Variants in GPATCH8 observed in about 807,000 individuals in gnomAD.
The protein encoded by GPATCH8 is G-patch domain containing 8, also known as G patch domain-containing protein 8.
In GPATCH8, 18 loss-of-function variants were observed where a neutral mutation model predicts 118.3. The ratio of observed to expected loss-of-function variants is 0.15; its 90% CI spans 0.11 to 0.23. GPATCH8 has a LOEUF of 0.23. Among genes scored for constraint, GPATCH8 ranks in the 10% least tolerant of loss-of-function variants. The probability of loss-of-function intolerance (pLI) is 1.00; values close to 1 mark genes in which losing one functional copy is unlikely to be tolerated. For missense variants in GPATCH8, 1,631 were observed against 1,873.8 expected (o/e 0.87, Z 2.39); for synonymous variants, 659 against 684.7 (o/e 0.96, Z 0.59).
chr17:44,476,210 C>CTT, intron 1 of GPATCH8, among the ~76,000 whole-genome samples: 1 of 146,254 alleles, frequency 6.8e-6, no homozygotes, highest in East Asian at 2.0e-4. Flanking sequence ...GCTGTTTTAC[C>CTT]TTTTTTTTTT....
rs774108392 is a variant in GPATCH8 at position 44,496,689 on chromosome 17, T to G, written c.45+6637A>C. 4.2e-4 allele frequency among the ~76,000 whole-genome samples: 64 copies of G among 152,234 alleles called. 1 individual carries two copies. Among genetic ancestry groups the G allele is most frequent in the Non-Finnish European group, 5.9e-5 (4 of 68,044 alleles). On this transcript the variant is annotated intron_variant, in intron 1 of 7. Coordinates refer to ENST00000591680, the MANE Select transcript of GPATCH8 (RefSeq NM_001002909.4). ...TCTATGGGGCTTACTAAATAACAGT[T>G]ACGTGCTACTCATCTGTGTACAATG... is the stretch of plus-strand genomic sequence containing the variant.
Position 44,401,690 on chromosome 17 carries a change from T to C in GPATCH8, c.624-237A>G, listed in dbSNP as rs894801864. On this transcript the variant is annotated intron_variant, in intron 7 of 7. Coordinates refer to ENST00000591680, the MANE Select transcript of GPATCH8 (RefSeq NM_001002909.4). ...TTCCCAGGGCCAGCCAGTTATTACA[T>C]AGCTTTTCCTTAAGCTGTCTAAAGT... Among the ~76,000 whole-genome samples, 7 of 152,160 alleles carry C rather than the reference T, an allele frequency of 4.6e-5. No homozygotes were observed. The South Asian group carries it at 1.0e-3, about 23-fold the overall frequency.
At chr17:44,402,638 A>T (rs1206023555) in intron 7 of GPATCH8, among the ~76,000 whole-genome samples, 1 of 152,132 alleles carries the variant, frequency 6.6e-6, no homozygotes, top group Non-Finnish European at 1.5e-5. Flanking sequence ...AAAAATAAAA[A>T]TTTCCCCATG....
chr17:44,474,922 A>C lies in GPATCH8; in HGVS notation c.46-19T>G. 1 of 1,306,758 alleles carries C rather than the reference A, an allele frequency of 7.7e-7. No individual in the cohort carries two copies. The highest frequency in any genetic ancestry group is 1.1e-6 in the Non-Finnish European group (1 of 900,840). 80.9% of individuals were successfully genotyped at this position (1,306,758 alleles called of 1,614,324 possible). On this transcript the variant is annotated intron_variant, in intron 1 of 7. Coordinates refer to ENST00000591680, the MANE Select transcript of GPATCH8 (RefSeq NM_001002909.4). ...GATTACCCTGAAAAAAGATGATTAC[A>C]GTTATTTTTCAAAAGCAGTTAAGTG...
At chr17:44,412,611 T>G (rs1422491389) in intron 6 of GPATCH8, among the ~76,000 whole-genome samples, 1 of 152,116 alleles carries the variant, frequency 6.6e-6, no homozygotes, top group Non-Finnish European at 1.5e-5. Flanking sequence ...CTTGAACTCC[T>G]GACCTCAGGT....
chr17:44,436,884 C>T (rs2050530724), intron 3 of GPATCH8: 1 of 299,950 alleles, frequency 3.3e-6, no homozygotes, highest in Non-Finnish European at 6.4e-6. Flanking sequence ...AAATAACTTC[C>T]CATCAAGTAT....
intron 6 of GPATCH8, among the ~76,000 whole-genome samples, chr17:44,416,592 C>T (rs1352504540): frequency 6.6e-6 from 1 of 152,172 alleles, no homozygotes; most frequent in African/African-American, 2.4e-5. Context: ...TGTTCAAGTG[C>T]TGAGATGCAC....
At chr17:44,462,662 G>C (rs1447211474) in intron 3 of GPATCH8, among the ~76,000 whole-genome samples, 2 of 152,138 alleles carry the variant, frequency 1.3e-5, no homozygotes, top group Non-Finnish European at 1.5e-5. Flanking sequence ...TGTAGAAGTA[G>C]AATTTTAAAA....
intron 1 of GPATCH8, among the ~76,000 whole-genome samples, chr17:44,488,905 G>A (rs1196847451): frequency 6.6e-6 from 1 of 151,256 alleles, no homozygotes; most frequent in Non-Finnish European, 1.5e-5. Flanking sequence ...TGGCCAACAT[G>A]GTGAAACCCC....
chr17:44,485,055 T>C (rs905975836), intron 1 of GPATCH8, among the ~76,000 whole-genome samples: 2 of 151,928 alleles, frequency 1.3e-5, no homozygotes, highest in Non-Finnish European at 2.9e-5. Context: ...GCTCAAGAGA[T>C]CGCCCGCCTC....
chr17:44,444,670 G>A (rs1456514293), intron 3 of GPATCH8, among the ~76,000 whole-genome samples: 3 of 152,186 alleles, frequency 2.0e-5, no homozygotes, highest in African/African-American at 7.2e-5. Context: ...CTACTTGGGA[G>A]GCTGAGGCAG....
chr17:44,467,263 C>G (rs2051805291), intron 2 of GPATCH8: 2 of 322,308 alleles, frequency 6.2e-6, no homozygotes, highest in East Asian at 7.7e-5. Flanking sequence ...CGAGTCAAGA[C>G]CAGCTGAGAG....
rs1568055908 is a variant in GPATCH8 at position 44,483,179 on chromosome 17, ATATAT to A, written c.46-8281_46-8277del. ...CAAAAAAAAAAAAAAAAAAAAAAAT[ATATAT>A]ATATATATATATATATATATATATA... On this transcript the variant is annotated intron_variant, in intron 1 of 7. Coordinates refer to ENST00000591680, the MANE Select transcript of GPATCH8 (RefSeq NM_001002909.4). Among the ~76,000 whole-genome samples, 143 of 19,990 alleles carry A rather than the reference ATATAT, an allele frequency of 7.2e-3. 5 individuals are homozygous for A. Among genetic ancestry groups the A allele is most frequent in the African/African-American group, 0.01 (44 of 4,368 alleles). 13.1% of individuals were successfully genotyped at this position (19,990 alleles called of 152,430 possible).
chr17:44,397,842 T>C lies in GPATCH8; in HGVS notation c.4235A>G (p.His1412Arg). 1 of 1,596,254 alleles carries C rather than the reference T, an allele frequency of 6.3e-7. No individual in the cohort carries two copies. The highest frequency in any genetic ancestry group is 1.1e-5 in the South Asian group (1 of 89,336). The change falls in exon 8 of 8, where the codon CAT (histidine) becomes CGT (arginine). Residue 1412 changes from histidine to arginine, a missense_variant. Physicochemically the swap from His to Arg is conservative, Grantham distance 29. Coordinates refer to ENST00000591680, the MANE Select transcript of GPATCH8 (RefSeq NM_001002909.4). Reference sequence around the variant, plus strand: ...GTGGGACAAAGAAATGGGGGTCAGATGGGGCTGGGGAATATGATGCACCTG... The same window carrying C: ...GTGGGACAAAGAAATGGGGGTCAGACGGGGCTGGGGAATATGATGCACCTG... ...LAQVHHIPQP[H>R]LTPISLSHLT...
intron 2 of GPATCH8, among the ~76,000 whole-genome samples, chr17:44,469,546 T>C (rs571198824): frequency 7.9e-5 from 12 of 152,362 alleles, no homozygotes; most frequent in African/African-American, 2.9e-4. Flanking sequence ...ATACTAATTC[T>C]ATACTGAATT....
At chr17:44,489,469 T>C (rs1969062678) in intron 1 of GPATCH8, among the ~76,000 whole-genome samples, 1 of 151,720 alleles carries the variant, frequency 6.6e-6, no homozygotes, top group Non-Finnish European at 1.5e-5. Context: ...GCCTCCCAAG[T>C]AGTTGGGATT....
chr17:44,436,891 G>A (rs4793105), intron 3 of GPATCH8: 161,168 of 273,382 alleles, frequency 0.59, 48,301 homozygotes, highest in Middle Eastern at 0.66. Context: ...TTCCCATCAA[G>A]TATCACTTTA....
chr17:44,471,031 G>A (rs182913433), intron 2 of GPATCH8, among the ~76,000 whole-genome samples: 1 of 152,198 alleles, frequency 6.6e-6, no homozygotes, highest in Non-Finnish European at 1.5e-5. Context: ...AAAGCTTCTC[G>A]TAATAGGGAT....
chr17:44,486,313 T>G (rs1213618623), intron 1 of GPATCH8: 9 of 152,146 alleles, frequency 5.9e-5, no homozygotes, highest in Non-Finnish European at 1.0e-4. Flanking sequence ...TTTTCAAACT[T>G]GGGCCCAAGC....
Sources: allele counts gnomAD v4.1 joint callset (sites outside exome capture counted in the v4.1 genomes callset), GRCh38; gene constraint gnomAD v4.1.1; transcripts MANE v1.5; gene names NCBI Gene and HGNC (gene_info 2026-07-23, HGNC 2026-07-21).